SUMF1: variants seen among roughly 807,000 people sequenced by gnomAD.
The protein encoded by SUMF1 is sulfatase modifying factor 1.
SUMF1 carries 48 observed loss-of-function variants against 47.6 expected under a neutral mutation model. That is an observed-to-expected ratio of 1.01 (90% confidence interval 0.80 to 1.28). SUMF1 has a LOEUF of 1.28. SUMF1 is among the 50% of genes most tolerant of loss of function. The pLI is 0.00. For synonymous variants in SUMF1, 230 were observed against 192.1 expected, an observed-to-expected ratio of 1.20 and a Z score of -1.63; for missense variants, 571 against 485.4, an observed-to-expected ratio of 1.18 and a Z score of -1.66.
intron 8 of SUMF1, among the ~76,000 whole-genome samples, chr3:4,166,213 C>G (rs1694703208): frequency 6.6e-6 from 1 of 152,068 alleles, no homozygotes; most frequent in African/African-American, 2.4e-5. Context: ...AGCATTTTCC[C>G]CTGTTAGTAC....
chr3:4,249,266 G>T (rs1187847846), intron 8 of SUMF1, among the ~76,000 whole-genome samples: 1 of 152,108 alleles, frequency 6.6e-6, no homozygotes, highest in Non-Finnish European at 1.5e-5. Flanking sequence ...ATAATATACA[G>T]ACAGTCTTAT....
chr3:4,435,528 ATGG>A (rs1702369554), intron 3 of SUMF1, among the ~76,000 whole-genome samples: 1 of 152,224 alleles, frequency 6.6e-6, no homozygotes, highest in Non-Finnish European at 1.5e-5. Flanking sequence ...AAAAACATAA[ATGG>A]ACACATACAA....
intron 8 of SUMF1, among the ~76,000 whole-genome samples, chr3:4,369,062 TA>T (rs199684460): frequency 0.042 from 6,328 of 149,474 alleles, 173 homozygotes; most frequent in African/African-American, 0.066. Flanking sequence ...TTTTTTTTTT[TA>T]AATTATTCTC....
At chr3:4,139,203 G>A (rs2218408) in intron 8 of SUMF1, among the ~76,000 whole-genome samples, 58,116 of 151,778 alleles carry the variant, frequency 0.38, 12,258 homozygotes, top group Non-Finnish European at 0.49. Context: ...TTATTATCCA[G>A]TTCAGCAAAG....
At chr3:4,155,557 G>A (rs1056222910) in intron 8 of SUMF1, among the ~76,000 whole-genome samples, 1 of 151,444 alleles carries the variant, frequency 6.6e-6, no homozygotes, top group Middle Eastern at 3.2e-3. Context: ...AATAGCGGCA[G>A]TACAAACTTC....
At chr3:4,464,591 A>C (rs1243562969) in intron 1 of SUMF1, among the ~76,000 whole-genome samples, 1 of 152,208 alleles carries the variant, frequency 6.6e-6, no homozygotes, top group South Asian at 2.1e-4. Context: ...AACAGAAAAC[A>C]AAGAGGGGAA....
Position 4,227,880 on chromosome 3 carries a change from C to T in SUMF1, c.1014+148450G>A, listed in dbSNP as rs190558363. Reference sequence around the variant, plus strand: ...TTTTCTAATTTTCATTACTTTATTGCAAATAATCATTATGAATACAGAGAC... The same window carrying T: ...TTTTCTAATTTTCATTACTTTATTGTAAATAATCATTATGAATACAGAGAC... On this transcript the variant is annotated intron_variant and NMD_transcript_variant, in intron 8 of 12. Coordinates refer to the SUMF1 transcript ENST00000448413. Among the ~76,000 whole-genome samples, 134 of 152,204 alleles carry T rather than the reference C, an allele frequency of 8.8e-4. 1 individual carries two copies. Among genetic ancestry groups the T allele is most frequent in the Admixed American group, 5.2e-3 (80 of 15,276 alleles).
rs147184330 is a variant in SUMF1 at position 4,316,418 on chromosome 3, A to G, written c.1014+59912T>C. ...AAGATGAGGAGCGTAGTGGCCGGCC[A>G]TCAGAAGTTGACAACGACCAGTTGA... On this transcript the variant is annotated intron_variant and NMD_transcript_variant, in intron 8 of 12. Coordinates refer to the SUMF1 transcript ENST00000448413. 2,841 of 1,588,622 alleles carry G rather than the reference A, an allele frequency of 1.8e-3. 10 individuals are homozygous for G. The highest frequency in any genetic ancestry group is 6.5e-3 in the Middle Eastern group (35 of 5,408).
chr3:4,422,762 TCTTC>T (rs1701942355), intron 3 of SUMF1, among the ~76,000 whole-genome samples: 1 of 151,668 alleles, frequency 6.6e-6, no homozygotes, highest in Non-Finnish European at 1.5e-5. Context: ...TACCCTCTTT[TCTTC>T]CTTTTTTTTT....
intron 8 of SUMF1, among the ~76,000 whole-genome samples, chr3:4,209,501 G>T (rs187888022): frequency 6.6e-6 from 1 of 151,878 alleles, no homozygotes; most frequent in Admixed American, 6.6e-5. Flanking sequence ...TAATCTATAA[G>T]GAAAGTTTAA....
At chr3:4,217,513 T>TATATATATATATATATAATATATATA (rs200461780) in intron 8 of SUMF1, among the ~76,000 whole-genome samples, 2 of 72,646 alleles carry the variant, frequency 2.8e-5, no homozygotes, top group African/African-American at 8.2e-5. Context: ...TAAAGTATTT[T>TATATATATATATATATAATATATATA]TTATATATAT....
chr3:4,313,588 CTA>C (rs772236911), intron 8 of SUMF1: 2 of 1,614,080 alleles, frequency 1.2e-6, no homozygotes, highest in East Asian at 2.2e-5. Flanking sequence ...TCATGGGAAA[CTA>C]AGGAAACCTT....
chr3:4,359,285 A>T (rs1008984658), downstream of SUMF1, among the ~76,000 whole-genome samples: 3 of 152,046 alleles, frequency 2.0e-5, no homozygotes, highest in African/African-American at 7.2e-5. Flanking sequence ...ATTTTATTGT[A>T]TTCATTTTTA....
intron 6 of SUMF1, among the ~76,000 whole-genome samples, chr3:4,415,863 T>C (rs1453278635): frequency 6.6e-6 from 1 of 152,132 alleles, no homozygotes. Flanking sequence ...TTGAAGTGAG[T>C]GCTCTTTTGC....
intron 9 of SUMF1, among the ~76,000 whole-genome samples, chr3:4,044,847 ATTC>A (rs1490570232): frequency 1.3e-5 from 2 of 152,238 alleles, no homozygotes; most frequent in Non-Finnish European, 2.9e-5. Context: ...CATTTAGATC[ATTC>A]TTCTTAAGTC....
chr3:4,127,838 A>G (rs539468832), intron 8 of SUMF1, among the ~76,000 whole-genome samples: 1 of 152,216 alleles, frequency 6.6e-6, no homozygotes, highest in Non-Finnish European at 1.5e-5. Context: ...TAATATGATT[A>G]GACCCAAAAA....
chr3:4,044,110 A>G (rs995216497), intron 9 of SUMF1, among the ~76,000 whole-genome samples: 1 of 152,178 alleles, frequency 6.6e-6, no homozygotes, highest in African/African-American at 2.4e-5. Flanking sequence ...CTATAATAAT[A>G]GTTGTGTCTT....
At chr3:4,164,217 G>A (rs764189669) in intron 8 of SUMF1, among the ~76,000 whole-genome samples, 9 of 152,296 alleles carry the variant, frequency 5.9e-5, no homozygotes, top group Middle Eastern at 3.4e-3. Flanking sequence ...GTTACAAGCT[G>A]TCCCAGGATT....
Position 4,122,717 on chromosome 3 carries a change from T to C in SUMF1, c.1015-53972A>G, listed in dbSNP as rs956830456. ...CAAAGTTTAAAGTAACTAAAATCTGTTGAGAAGGACTTAAGTGGCTGTGAT... is the reference window on the plus strand; with the variant it reads ...CAAAGTTTAAAGTAACTAAAATCTGCTGAGAAGGACTTAAGTGGCTGTGAT... On this transcript the variant is annotated intron_variant and NMD_transcript_variant, in intron 8 of 12. Coordinates refer to the SUMF1 transcript ENST00000448413. Among the ~76,000 whole-genome samples the C allele has an allele frequency of 3.9e-5, 6 of 152,282 alleles. No individual in the cohort carries two copies. The South Asian group carries it at 6.2e-4, about 16-fold the overall frequency.
Sources: gnomAD v4.1 joint callset for allele counts (sites outside exome capture counted in the v4.1 genomes callset) on GRCh38, gnomAD v4.1.1 for gene constraint, MANE v1.5 for transcripts, NCBI Gene and HGNC (gene_info 2026-07-23, HGNC 2026-07-21) for gene names.